CEP128: variants seen among roughly 807,000 people sequenced by gnomAD.
CEP128 encodes centrosomal protein 128.
A neutral mutation model predicts 156.7 loss-of-function variants in CEP128; 132 were observed. That is an observed-to-expected ratio of 0.84 (90% confidence interval 0.73 to 0.97). The LOEUF (loss-of-function observed/expected upper bound fraction) is 0.97, where lower values mean the gene tolerates loss of function less well. Among genes scored for constraint, CEP128 ranks in the 50% least tolerant of loss-of-function variants. The pLI is 0.00. For synonymous variants in CEP128, 469 were observed against 448.9 expected (o/e 1.04, Z -0.57); for missense variants, 1,252 against 1,281.9 (o/e 0.98, Z 0.36).
At chr14:80,610,541 T>C (rs1892953778) in intron 19 of CEP128, among the ~76,000 whole-genome samples, 1 of 152,152 alleles carries the variant, frequency 6.6e-6, no homozygotes, top group African/African-American at 2.4e-5. Flanking sequence ...GTAAAAAGCA[T>C]GAACACAATA....
chr14:80,672,529 T>G (rs1280611596), intron 19 of CEP128, among the ~76,000 whole-genome samples: 3 of 152,206 alleles, frequency 2.0e-5, no homozygotes, highest in Non-Finnish European at 2.9e-5. Context: ...TGCATGTGTG[T>G]GTAGGAACGG....
chr14:80,851,966 A>G (rs1450738232), intron 9 of CEP128, among the ~76,000 whole-genome samples: 2 of 152,044 alleles, frequency 1.3e-5, no homozygotes, highest in African/African-American at 2.4e-5. Flanking sequence ...AAACTGACAC[A>G]AATCACACGG....
downstream of CEP128, among the ~76,000 whole-genome samples, chr14:80,487,796 A>G (rs1206518515): frequency 1.3e-5 from 2 of 152,172 alleles, no homozygotes; most frequent in African/African-American, 4.8e-5. Context: ...TAACGAAATG[A>G]AGGCAGAAAT....
At chr14:80,878,549 A>C (rs1392303115) in intron 8 of CEP128, among the ~76,000 whole-genome samples, 1 of 152,176 alleles carries the variant, frequency 6.6e-6, no homozygotes, top group East Asian at 1.9e-4. Flanking sequence ...CATAACCTGG[A>C]GTCCAGCCTT....
At position 80,703,513 on chromosome 14, in the gene CEP128, GA is replaced by G. The variant is rs558074984; in HGVS notation, c.2806+39561del. Among the ~76,000 whole-genome samples, 90 of 146,158 alleles carry G rather than the reference GA, an allele frequency of 6.2e-4. No homozygotes were observed. In the East Asian group the frequency reaches 7.5e-3, roughly 12 times the overall value. ...AAGCTTTTAGCTTTTGGAGAAATTA[GA>G]AAAAAAAAAGTGTTTACTATTTTAA... On this transcript the variant is annotated intron_variant, in intron 19 of 24. Transcript: ENST00000555265.
At chr14:80,493,552 T>TG (rs1384274072), downstream of CEP128, among the ~76,000 whole-genome samples, 1 of 152,142 alleles carries the variant, frequency 6.6e-6, no homozygotes, top group East Asian at 1.9e-4. Flanking sequence ...AATACAGCTA[T>TG]GTTAGAGAAG....
intron 8 of CEP128, among the ~76,000 whole-genome samples, chr14:80,892,335 G>A (rs368383600): frequency 9.2e-5 from 14 of 151,876 alleles, no homozygotes; most frequent in African/African-American, 3.4e-4. Context: ...AATAAATGGT[G>A]CTAAGAAAAC....
chr14:80,548,597 G>A (rs1890085947), intron 21 of CEP128, among the ~76,000 whole-genome samples: 1 of 152,158 alleles, frequency 6.6e-6, no homozygotes, highest in Admixed American at 6.5e-5. Flanking sequence ...CTGCCATTGT[G>A]CTTTACAATA....
At chr14:80,539,084 T>C (rs1037354820) in intron 21 of CEP128, among the ~76,000 whole-genome samples, 1 of 152,246 alleles carries the variant, frequency 6.6e-6, no homozygotes, top group African/African-American at 2.4e-5. Flanking sequence ...TTTTCACATT[T>C]ATTCAGTCTG....
intron 7 of CEP128, among the ~76,000 whole-genome samples, chr14:80,899,240 G>C (rs1255243775): frequency 6.6e-6 from 1 of 152,110 alleles, no homozygotes; most frequent in Non-Finnish European, 1.5e-5. Flanking sequence ...TAGACAGCTG[G>C]AGTTAGCAAG....
At chr14:80,693,999 C>T (rs933003411) in intron 19 of CEP128, among the ~76,000 whole-genome samples, 4 of 151,984 alleles carry the variant, frequency 2.6e-5, no homozygotes, top group Middle Eastern at 3.2e-3. Flanking sequence ...CCATGTTTTC[C>T]GTCAAAAGTG....
rs553554110 is a variant in CEP128 at position 80,853,519 on chromosome 14, A to T, written c.762+9238T>A. 5.1e-3 allele frequency among the ~76,000 whole-genome samples: 264 copies of T among 51,750 alleles called. 2 individuals are homozygous for T. Among genetic ancestry groups the T allele is most frequent in the Middle Eastern group, 0.013 (1 of 78 alleles). 34.0% of individuals were successfully genotyped at this position (51,750 alleles called of 152,430 possible). On this transcript the variant is annotated intron_variant, in intron 9 of 24. Coordinates refer to ENST00000555265, the MANE Select transcript of CEP128 (RefSeq NM_152446.5). ...AATAACCAATTAGAGATGCAATTTT[A>T]AAAAAAAATCCCATTCCAGATAGAA... is the stretch of plus-strand genomic sequence containing the variant.
intron 2 of CEP128, among the ~76,000 whole-genome samples, chr14:80,937,553 G>GA (rs1272093435): frequency 6.6e-6 from 1 of 151,900 alleles, no homozygotes; most frequent in Non-Finnish European, 1.5e-5. Context: ...AAAAGAATAA[G>GA]AAAAAAATAT....
chr14:80,635,589 A>G (rs545873359), intron 19 of CEP128, among the ~76,000 whole-genome samples: 5 of 152,336 alleles, frequency 3.3e-5, no homozygotes, highest in South Asian at 2.1e-4. Flanking sequence ...AATGACTGAC[A>G]TTAGTAGGTT....
chr14:80,530,563 G>A (rs930300382), intron 22 of CEP128, among the ~76,000 whole-genome samples: 1 of 152,054 alleles, frequency 6.6e-6, no homozygotes, highest in Non-Finnish European at 1.5e-5. Context: ...AGTTTTAGGG[G>A]CCCAACTGAG....
At chr14:80,526,381 C>A (rs1408138494) in intron 23 of CEP128, among the ~76,000 whole-genome samples, 3 of 152,076 alleles carry the variant, frequency 2.0e-5, no homozygotes, top group Non-Finnish European at 4.4e-5. Context: ...GTTAAGTCTT[C>A]CCAGTGTCCT....
intron 8 of CEP128, among the ~76,000 whole-genome samples, chr14:80,865,192 T>A (rs999707639): frequency 1.3e-5 from 2 of 152,232 alleles, no homozygotes; most frequent in African/African-American, 4.8e-5. Context: ...TATTTTTGTA[T>A]CTGCCTTACT....
chr14:80,862,064 C>T (rs1887538757), intron 9 of CEP128, among the ~76,000 whole-genome samples: 1 of 152,060 alleles, frequency 6.6e-6, no homozygotes, highest in African/African-American at 2.4e-5. Context: ...TTATCTATGT[C>T]TGCAATTTCA....
intron 19 of CEP128, among the ~76,000 whole-genome samples, chr14:80,725,763 C>T (rs1338340907): frequency 6.6e-6 from 1 of 152,172 alleles, no homozygotes; most frequent in African/African-American, 2.4e-5. Context: ...TAGAAAAGAT[C>T]TCAAACTCTT....
Sources: gnomAD v4.1 joint callset for allele counts (sites outside exome capture counted in the v4.1 genomes callset) on GRCh38, gnomAD v4.1.1 for gene constraint, MANE v1.5 for transcripts, NCBI Gene and HGNC (gene_info 2026-07-23, HGNC 2026-07-21) for gene names.